Variants in ACSM3 observed in about 807,000 individuals in gnomAD.
The protein encoded by ACSM3 is acyl-coenzyme A synthetase ACSM3, mitochondrial.
Under a neutral mutation model 74.1 loss-of-function variants are expected in ACSM3, and 61 were observed. The observed-to-expected ratio is 0.82, with a 90% CI of 0.67 to 1.02. The LOEUF (loss-of-function observed/expected upper bound fraction) is 1.02, where lower values mean the gene tolerates loss of function less well. Ranked by LOEUF, ACSM3 falls within the 50% of genes least tolerant of loss-of-function variation. The probability of loss-of-function intolerance (pLI) is 0.00; values close to 1 mark genes in which losing one functional copy is unlikely to be tolerated. For synonymous variants in ACSM3, 213 were observed against 241.5 expected, an observed-to-expected ratio of 0.88 and a Z score of 1.09; for missense variants, 660 against 697.0, an observed-to-expected ratio of 0.95 and a Z score of 0.60.
upstream of ACSM3, chr16:20,763,882 T>C (rs2080097687): frequency 6.6e-6 from 1 of 152,218 alleles, no homozygotes. Context: ...AATCATTACC[T>C]GTAAGAGGAA....
At chr16:20,729,247 T>C in intron 1 of ACSM3, 1 of 1,051,342 alleles carries the variant, frequency 9.5e-7, no homozygotes, top group Non-Finnish European at 1.5e-6. Context: ...CAGAGAAAAC[T>C]GCTGCCACGG....
At chr16:20,675,197 A>C (rs889746183) in intron 1 of ACSM3, among the ~76,000 whole-genome samples, 1 of 152,048 alleles carries the variant, frequency 6.6e-6, no homozygotes, top group Non-Finnish European at 1.5e-5. Flanking sequence ...GAATCTAACT[A>C]GGCTCACCCG....
intron 1 of ACSM3, among the ~76,000 whole-genome samples, chr16:20,676,626 G>A (rs540043048): frequency 3.9e-5 from 6 of 152,270 alleles, no homozygotes; most frequent in Middle Eastern, 3.4e-3. Flanking sequence ...AAGCTGATCA[G>A]AGGCTTAACA....
At chr16:20,705,562 G>A (rs566083220) in intron 1 of ACSM3, among the ~76,000 whole-genome samples, 1 of 152,260 alleles carries the variant, frequency 6.6e-6, no homozygotes, top group Admixed American at 6.5e-5. Context: ...ATCCATGGCT[G>A]ATCCCTGAAA....
At chr16:20,743,875 G>C (rs1285222037) in intron 1 of ACSM3, 1 of 152,062 alleles carries the variant, frequency 6.6e-6, no homozygotes, top group Non-Finnish European at 1.5e-5. Context: ...TCAAATATTA[G>C]CATACAGATA....
chr16:20,789,664 T>G (rs2080550903), intron 9 of ACSM3: 1 of 719,510 alleles, frequency 1.4e-6, no homozygotes. Flanking sequence ...AACTGTATAT[T>G]ATAAAGCAAC....
intron 1 of ACSM3, chr16:20,682,218 T>C: frequency 6.3e-7 from 1 of 1,592,786 alleles, no homozygotes. Context: ...CCACAACAAC[T>C]GTACTCAGAG....
At chr16:20,791,008 C>T in intron 10 of ACSM3, 1 of 1,463,410 alleles carries the variant, frequency 6.8e-7, no homozygotes, top group African/African-American at 1.4e-5. Flanking sequence ...TTCCTGAAAT[C>T]CAGTTAGTGC....
chr16:20,693,860 G>A (rs1490882397), intron 1 of ACSM3, among the ~76,000 whole-genome samples: 1 of 152,162 alleles, frequency 6.6e-6, no homozygotes. Flanking sequence ...GTAAAATAGA[G>A]GTTCCTCTTC....
chr16:20,718,107 G>A (rs1251281054), intron 1 of ACSM3, among the ~76,000 whole-genome samples: 1 of 150,862 alleles, frequency 6.6e-6, no homozygotes, highest in Non-Finnish European at 1.5e-5. Flanking sequence ...AGAAGGAAAA[G>A]GAGAAGAAGA....
intron 2 of ACSM3, among the ~76,000 whole-genome samples, chr16:20,775,411 C>T (rs1484358067): frequency 6.6e-6 from 1 of 152,084 alleles, no homozygotes; most frequent in Admixed American, 6.5e-5. Context: ...GGACTTCAGG[C>T]ATCTGTGATG....
At chr16:20,728,950 A>G (rs767939949) in intron 1 of ACSM3, among the ~76,000 whole-genome samples, 2 of 152,126 alleles carry the variant, frequency 1.3e-5, no homozygotes, top group Non-Finnish European at 2.9e-5. Context: ...CTACAAAAAC[A>G]TAAAACAATT....
At chr16:20,718,888 G>A (rs2079776098) in intron 1 of ACSM3, among the ~76,000 whole-genome samples, 2 of 152,016 alleles carry the variant, frequency 1.3e-5, no homozygotes, top group African/African-American at 4.8e-5. Flanking sequence ...ATATGTATTC[G>A]CTGTCACCTA....
chr16:20,739,417 C>T (rs113414147), intron 1 of ACSM3, among the ~76,000 whole-genome samples: 2 of 151,984 alleles, frequency 1.3e-5, no homozygotes, highest in East Asian at 3.9e-4. Context: ...GTGATCCACT[C>T]GCCTCAGCCT....
intron 1 of ACSM3, among the ~76,000 whole-genome samples, chr16:20,740,749 T>C (rs758109089): frequency 6.6e-6 from 1 of 152,224 alleles, no homozygotes; most frequent in Non-Finnish European, 1.5e-5. Context: ...AAGCCAGTAA[T>C]ATGATTTCCA....
chr16:20,677,033 G>C (rs2152290686), intron 1 of ACSM3, among the ~76,000 whole-genome samples: 1 of 151,474 alleles, frequency 6.6e-6, no homozygotes, highest in Non-Finnish European at 1.5e-5. Flanking sequence ...AGATGGCTTA[G>C]TAGTAAACAA....
intron 1 of ACSM3, among the ~76,000 whole-genome samples, chr16:20,743,053 G>A (rs2152425810): frequency 6.7e-6 from 1 of 149,032 alleles, no homozygotes; most frequent in South Asian, 2.1e-4. Flanking sequence ...CCATTCTCCT[G>A]CCTCCCTCCC....
intron 1 of ACSM3, among the ~76,000 whole-genome samples, chr16:20,739,829 TAA>T (rs66818518): frequency 1.9e-3 from 264 of 139,958 alleles, no homozygotes; most frequent in Non-Finnish European, 2.3e-3. Context: ...TCAAAAAAAT[TAA>T]AAAAAAAAAA....
rs563725365 is a variant in ACSM3, at chr16:20,780,121, G to A, written c.639-593G>A. The stretch of plus-strand genomic sequence containing the variant: ...AATAAATACTTAAGGCTTGCAGGCC[G>A]TATAGTCAGTCTCATCACAACTACT... On this transcript the variant is annotated intron_variant, in intron 4 of 13. Transcript: ENST00000289416. The A allele has an allele frequency of 1.7e-3, 275 of 159,842 alleles. 1 individual carries two copies. Among genetic ancestry groups the A allele is most frequent in the African/African-American group, 6.2e-3 (258 of 41,586 alleles). 9.9% of individuals were successfully genotyped at this position (159,842 alleles called of 1,614,324 possible).
Sources: allele counts gnomAD v4.1 joint callset (sites outside exome capture counted in the v4.1 genomes callset), GRCh38; gene constraint gnomAD v4.1.1; transcripts MANE v1.5; gene names NCBI Gene and HGNC (gene_info 2026-07-23, HGNC 2026-07-21).